The following FSTL4 variants were observed in gnomAD, a reference collection of about 807,000 sequenced individuals.
The protein encoded by FSTL4 is follistatin like 4, also known as follistatin-related protein 4.
In FSTL4, 28 loss-of-function variants were observed where a neutral mutation model predicts 78.2. The ratio of observed to expected loss-of-function variants is 0.36; its 90% CI spans 0.27 to 0.49. The LOEUF is 0.49. Among genes scored for constraint, FSTL4 ranks in the 20% least tolerant of loss-of-function variants. The probability of loss-of-function intolerance (pLI) is 0.98; values close to 1 mark genes in which losing one functional copy is unlikely to be tolerated. For missense variants in FSTL4, 922 were observed against 1,084.9 expected, an observed-to-expected ratio of 0.85 and a Z score of 2.11; for synonymous variants, 422 against 440.5, an observed-to-expected ratio of 0.96 and a Z score of 0.53.
intron 3 of FSTL4, among the ~76,000 whole-genome samples, chr5:133,473,309 C>T (rs1037430185): frequency 6.6e-6 from 1 of 152,210 alleles, no homozygotes; most frequent in African/African-American, 2.4e-5. Context: ...TGACTCCTAA[C>T]CAGCTGGTCT....
chr5:133,688,448 G>C, the FSTL4 span, among the ~76,000 whole-genome samples: 4 of 152,278 alleles, frequency 2.6e-5, no homozygotes, highest in East Asian at 5.8e-4. Flanking sequence ...AACAACAAAT[G>C]GTGGTTCTAG....
the FSTL4 span, among the ~76,000 whole-genome samples, chr5:133,718,840 C>T: frequency 2.0e-5 from 3 of 152,150 alleles, 1 homozygote; most frequent in Non-Finnish European, 4.4e-5. Context: ...TGTATTACTG[C>T]CATTGAAACC....
chr5:133,701,811 G>T, the FSTL4 span, among the ~76,000 whole-genome samples: 50 of 152,224 alleles, frequency 3.3e-4, no homozygotes, highest in African/African-American at 1.2e-3. Context: ...TGTGTGCCCC[G>T]TGCAAATGCC....
chr5:133,371,960 T>G lies in FSTL4; in HGVS notation c.409+28778A>C, dbSNP rs17628475. On this transcript the variant is annotated intron_variant, in intron 4 of 15. Coordinates refer to ENST00000265342, the MANE Select transcript of FSTL4 (RefSeq NM_015082.2). ...CCATTGCAAAGGCAGCCCCAGCTGT[T>G]GGAAGGCTCACCATTTTATGGTGGA... Among the ~76,000 whole-genome samples the G allele has an allele frequency of 7.7e-3, 1,168 of 152,298 alleles. 18 individuals carry two copies. The highest frequency in any genetic ancestry group is 0.026 in the African/African-American group (1,078 of 41,538).
chr5:133,268,196 G>A (rs1752686607), intron 6 of FSTL4, among the ~76,000 whole-genome samples: 1 of 152,164 alleles, frequency 6.6e-6, no homozygotes, highest in South Asian at 2.1e-4. Flanking sequence ...GCTTTAGCAT[G>A]AGCACTGTCT....
At chr5:133,600,990 G>A (rs577770816) in intron 2 of FSTL4, among the ~76,000 whole-genome samples, 29 of 152,264 alleles carry the variant, frequency 1.9e-4, no homozygotes, top group Admixed American at 9.8e-4. Flanking sequence ...GTGAGTTATC[G>A]ATACATTAAT....
intron 2 of FSTL4, among the ~76,000 whole-genome samples, chr5:133,592,041 C>T (rs1254099795): frequency 1.3e-5 from 2 of 152,074 alleles, no homozygotes; most frequent in African/African-American, 4.8e-5. Flanking sequence ...CAGATATGGC[C>T]CTATTCCACC....
chr5:133,343,223 C>A (rs1420007529), intron 4 of FSTL4, among the ~76,000 whole-genome samples: 1 of 152,212 alleles, frequency 6.6e-6, no homozygotes, highest in Non-Finnish European at 1.5e-5. Context: ...AGAGAAAGTT[C>A]TGAGTCCTCT....
In FSTL4 at chr5:133,329,354, T is replaced by A. The variant is rs60460489; in HGVS notation, c.410-12702A>T. Among the ~76,000 whole-genome samples, 1,418 of 152,134 alleles carry A rather than the reference T, an allele frequency of 9.3e-3. 22 individuals are homozygous for A. Among genetic ancestry groups the A allele is most frequent in the African/African-American group, 0.031 (1,280 of 41,502 alleles). Reference sequence around the variant, plus strand: ...CAAAAACTTCTGCTGGCCTGGTGTATTAGTCGGGGTTCTCTTAGAGGGCCA... The same window carrying A: ...CAAAAACTTCTGCTGGCCTGGTGTAATAGTCGGGGTTCTCTTAGAGGGCCA... On this transcript the variant is annotated intron_variant, in intron 4 of 15. Coordinates refer to ENST00000265342, the MANE Select transcript of FSTL4 (RefSeq NM_015082.2).
the FSTL4 span, among the ~76,000 whole-genome samples, chr5:133,652,245 A>G: frequency 6.6e-6 from 1 of 151,710 alleles, no homozygotes; most frequent in Non-Finnish European, 1.5e-5. Context: ...TTTTAATTTT[A>G]TTGATTTCTG....
intron 4 of FSTL4, among the ~76,000 whole-genome samples, chr5:133,317,392 C>A (rs1753935002): frequency 1.3e-5 from 2 of 152,204 alleles, no homozygotes; most frequent in Non-Finnish European, 2.9e-5. Flanking sequence ...CGCCCATACA[C>A]TGGGATTGCA....
At chr5:133,742,616 G>A in the FSTL4 span, among the ~76,000 whole-genome samples, 4 of 152,200 alleles carry the variant, frequency 2.6e-5, no homozygotes, top group African/African-American at 9.6e-5. Flanking sequence ...AAGGTCCTCA[G>A]CTCTCGGAGG....
chr5:133,693,890 C>T, the FSTL4 span, among the ~76,000 whole-genome samples: 1 of 152,116 alleles, frequency 6.6e-6, no homozygotes, highest in South Asian at 2.1e-4. Flanking sequence ...TCTGTCTGGG[C>T]CCCAGCCAAC....
At chr5:133,307,198 C>T (rs1753676808) in intron 6 of FSTL4, among the ~76,000 whole-genome samples, 1 of 152,316 alleles carries the variant, frequency 6.6e-6, no homozygotes, top group South Asian at 2.1e-4. Context: ...AATCAGGCCA[C>T]AGCCTTGTTA....
the FSTL4 span, among the ~76,000 whole-genome samples, chr5:133,707,146 C>T: frequency 6.6e-6 from 1 of 152,226 alleles, no homozygotes; most frequent in East Asian, 1.9e-4. Context: ...CTCCCTGACT[C>T]ACCTCTTCCC....
At chr5:133,204,703 G>A (rs1243181783) in intron 14 of FSTL4, among the ~76,000 whole-genome samples, 1 of 151,404 alleles carries the variant, frequency 6.6e-6, no homozygotes, top group Non-Finnish European at 1.5e-5. Flanking sequence ...GTAATGGCAT[G>A]TACCTGTAAT....
rs377584506 is a variant in FSTL4 at position 133,225,894 on chromosome 5, C to A, written c.1016-75G>T. 63 of 1,251,920 alleles carry A rather than the reference C, an allele frequency of 5.0e-5. No homozygotes were observed. In the African/African-American group the frequency reaches 8.8e-4, roughly 17 times the overall value. The allele number at this position is 1,251,920 out of a possible 1,614,324, so 77.6% of individuals were successfully genotyped here. A position where few individuals can be genotyped will look rare whatever the true frequency, so the allele number is the denominator to read the frequency against. Reference sequence around the variant, plus strand: ...CTTGGGCCTGTGGCCCAACCTGAGACCCTGCTCCAGAGGGGGTGAACCCAA... The same window carrying A: ...CTTGGGCCTGTGGCCCAACCTGAGAACCTGCTCCAGAGGGGGTGAACCCAA... On this transcript the variant is annotated intron_variant, in intron 8 of 15. Transcript: ENST00000265342. This position sits in a 1 kb window ranked among gnomAD's most constrained non-coding sequence, Gnocchi z 4.6.
chr5:133,379,650 A>G (rs1289091704), intron 4 of FSTL4, among the ~76,000 whole-genome samples: 1 of 152,240 alleles, frequency 6.6e-6, no homozygotes, highest in Non-Finnish European at 1.5e-5. Flanking sequence ...TACATAACCA[A>G]TGGGTCAAAT....
intron 4 of FSTL4, among the ~76,000 whole-genome samples, chr5:133,326,304 C>T (rs1053838969): frequency 5.3e-5 from 8 of 152,138 alleles, no homozygotes; most frequent in African/African-American, 1.9e-4. Context: ...TTGACTGAGC[C>T]ACAAAACTCT....
Sources: gnomAD v4.1 joint callset for allele counts (sites outside exome capture counted in the v4.1 genomes callset) on GRCh38, gnomAD v4.1.1 for gene constraint, Gnocchi (gnomAD v3.1) non-coding constraint, MANE v1.5 for transcripts, NCBI Gene and HGNC (gene_info 2026-07-23, HGNC 2026-07-21) for gene names.